Variants in TBC1D12 observed in about 807,000 individuals in gnomAD.
TBC1D12 encodes the protein TBC1 domain family member 12, also known as TBC1 domain family, member 12.
In TBC1D12, 56 loss-of-function variants were observed where a neutral mutation model predicts 86.7. The ratio of observed to expected loss-of-function variants is 0.65; its 90% CI spans 0.52 to 0.81. The LOEUF (loss-of-function observed/expected upper bound fraction) is 0.81. Ranked by LOEUF, TBC1D12 falls within the 30% of genes least tolerant of loss-of-function variation. The probability of loss-of-function intolerance (pLI) is 0.00; values close to 1 mark genes in which losing one functional copy is unlikely to be tolerated. For synonymous variants in TBC1D12, 421 were observed against 411.7 expected (o/e 1.02, Z -0.27); for missense variants, 1,023 against 1,038.8 (o/e 0.98, Z 0.21).
At chr10:94,531,815 TTA>T (rs1266499651) in intron 12 of TBC1D12, among the ~76,000 whole-genome samples, 2 of 149,338 alleles carry the variant, frequency 1.3e-5, no homozygotes, top group African/African-American at 2.4e-5. Flanking sequence ...TTATTTTATT[TTA>T]TGTTATTTTA....
intron 2 of TBC1D12, among the ~76,000 whole-genome samples, chr10:94,460,091 G>A (rs1589631734): frequency 6.6e-6 from 1 of 152,112 alleles, no homozygotes; most frequent in South Asian, 2.1e-4. Flanking sequence ...AATTAGCTGG[G>A]CATGGTGGCA....
intron 1 of TBC1D12, among the ~76,000 whole-genome samples, chr10:94,429,908 A>G (rs1459115006): frequency 5.9e-5 from 9 of 151,856 alleles, no homozygotes; most frequent in African/African-American, 2.2e-4. Flanking sequence ...TAATTTTTGC[A>G]TTTTGTTTGT....
At chr10:94,454,459 C>G (rs2134110072) in intron 2 of TBC1D12, among the ~76,000 whole-genome samples, 1 of 152,300 alleles carries the variant, frequency 6.6e-6, no homozygotes, top group Non-Finnish European at 1.5e-5. Context: ...TATCCACCCG[C>G]CTCGGCCTCC....
chr10:94,416,679 A>G (rs1398237795), intron 1 of TBC1D12, among the ~76,000 whole-genome samples: 3 of 152,194 alleles, frequency 2.0e-5, no homozygotes, highest in East Asian at 1.9e-4. Flanking sequence ...TATAATATCA[A>G]TGTTTACAAT....
chr10:94,480,747 C>A (rs1246775706), intron 3 of TBC1D12, among the ~76,000 whole-genome samples: 1 of 150,784 alleles, frequency 6.6e-6, no homozygotes, highest in Non-Finnish European at 1.5e-5. Context: ...TGTGGTGGCA[C>A]ACTACTGTAT....
chr10:94,407,063 AAC>A (rs1352708929), intron 1 of TBC1D12, among the ~76,000 whole-genome samples: 2 of 152,198 alleles, frequency 1.3e-5, no homozygotes, highest in African/African-American at 4.8e-5. Context: ...TTAAAAAAAA[AAC>A]AGTTTTATGT....
At chr10:94,414,164 T>C (rs2054965407) in intron 1 of TBC1D12, among the ~76,000 whole-genome samples, 1 of 152,180 alleles carries the variant, frequency 6.6e-6, no homozygotes, top group African/African-American at 2.4e-5. Flanking sequence ...TTCCACGTTA[T>C]TCTTGTTAAG....
rs1195893448 is a variant in TBC1D12, at chr10:94,447,750, T to TG, written c.1095+5732dup. On this transcript the variant is annotated intron_variant, in intron 2 of 12. Coordinates refer to ENST00000225235, the MANE Select transcript of TBC1D12 (RefSeq NM_015188.2). ...CGTAGTTCAGTTGACCTGAGTTTTT[T>TG]GTTTTTTTTTCTAAATTAGTAGGTA... 1.3e-5 allele frequency: 12 copies of TG among 941,608 alleles called. No individual in the cohort carries two copies. The African/African-American group carries it at 2.1e-4, about 17-fold the overall frequency. The allele number at this position is 941,608 out of a possible 1,614,324, so 58.3% of individuals were successfully genotyped here. A position where few individuals can be genotyped will look rare whatever the true frequency, so the allele number is the denominator to read the frequency against.
chr10:94,416,871 T>C (rs1275569770), intron 1 of TBC1D12, among the ~76,000 whole-genome samples: 1 of 152,084 alleles, frequency 6.6e-6, no homozygotes, highest in Non-Finnish European at 1.5e-5. Flanking sequence ...AAAAATAACA[T>C]ATATATAGAA....
rs116262114 is a variant in TBC1D12 at position 94,458,793 on chromosome 10, C to T, written c.1096-15875C>T. Among the ~76,000 whole-genome samples, 1,160 of 152,150 alleles carry T rather than the reference C, an allele frequency of 7.6e-3. 16 individuals carry two copies. The highest frequency in any genetic ancestry group is 0.027 in the African/African-American group (1,107 of 41,496). ...TTCGTTCCTTCCATCTGGAGTTGTT[C>T]GTACCTTCCATCTGGAGTTGTTCGT... On this transcript the variant is annotated intron_variant, in intron 2 of 12. Transcript: ENST00000225235.
rs779945322 is a variant in TBC1D12 at position 94,462,452 on chromosome 10, G to A, written c.1096-12216G>A. ...CACTTCTCATTGTGACAACTGAAAT[G>A]TCTTAGACATTGTCAGATGTCCTTA... On this transcript the variant is annotated intron_variant, in intron 2 of 12. Coordinates refer to ENST00000225235, the MANE Select transcript of TBC1D12 (RefSeq NM_015188.2). Among the ~76,000 whole-genome samples the A allele has an allele frequency of 3.3e-5, 5 of 152,130 alleles. 1 individual carries two copies. Among genetic ancestry groups the A allele is most frequent in the Non-Finnish European group, 7.3e-5 (5 of 68,030 alleles).
chr10:94,457,405 A>ATTTG (rs1339618925), intron 2 of TBC1D12, among the ~76,000 whole-genome samples: 1 of 151,710 alleles, frequency 6.6e-6, no homozygotes, highest in Non-Finnish European at 1.5e-5. Flanking sequence ...CTGTTTCTTC[A>ATTTG]TTTGTTTGTT....
At position 94,440,912 on chromosome 10, in the gene TBC1D12, C is replaced by A. The variant is rs191035418; in HGVS notation, c.972-984C>A. On this transcript the variant is annotated intron_variant, in intron 1 of 12. Coordinates refer to ENST00000225235, the MANE Select transcript of TBC1D12 (RefSeq NM_015188.2). ...CACAATGACGCGGAGTGCAATGAGG[C>A]GGTCTCGGCTCACTGCAACCTCCGC... 1.3e-4 allele frequency among the ~76,000 whole-genome samples: 20 copies of A among 152,278 alleles called. No homozygotes were observed. In the East Asian group the frequency reaches 3.5e-3, roughly 26 times the overall value.
chr10:94,500,462 C>T (rs912753223), intron 6 of TBC1D12, 135 bp downstream of exon 6: 2 of 544,128 alleles, frequency 3.7e-6, no homozygotes, highest in African/African-American at 3.9e-5. Context: ...ATGCTTCATC[C>T]CCCTGTTATG....
intron 1 of TBC1D12, among the ~76,000 whole-genome samples, chr10:94,441,084 G>A (rs2055373991): frequency 1.3e-5 from 2 of 151,636 alleles, no homozygotes; most frequent in African/African-American, 4.8e-5. Context: ...TGCTGACCTC[G>A]TGATCCGCCC....
intron 3 of TBC1D12, among the ~76,000 whole-genome samples, chr10:94,488,614 A>T (rs1374008614): frequency 6.7e-6 from 1 of 148,748 alleles, no homozygotes; most frequent in Admixed American, 6.7e-5. Context: ...CTGGTCTTGA[A>T]CTCCTGACCT....
At chr10:94,505,896 AT>A (rs1027544392) in intron 6 of TBC1D12, among the ~76,000 whole-genome samples, 7 of 152,120 alleles carry the variant, frequency 4.6e-5, no homozygotes, top group Non-Finnish European at 1.0e-4. Context: ...TGCCACTTTA[AT>A]TTTTTTAAAA....
chr10:94,463,671 T>A (rs1222725548), intron 2 of TBC1D12, among the ~76,000 whole-genome samples: 1 of 152,214 alleles, frequency 6.6e-6, no homozygotes, highest in African/African-American at 2.4e-5. Flanking sequence ...TTATGCAATT[T>A]TAGTTTTTTT....
chr10:94,407,278 G>A (rs544099517), intron 1 of TBC1D12, among the ~76,000 whole-genome samples: 2 of 152,328 alleles, frequency 1.3e-5, no homozygotes, highest in Middle Eastern at 3.4e-3. Flanking sequence ...AGTCCCTACT[G>A]GGGGCTTGCT....
Sources: gnomAD v4.1 joint callset for allele counts (sites outside exome capture counted in the v4.1 genomes callset) on GRCh38, gnomAD v4.1.1 for gene constraint, MANE v1.5 for transcripts, NCBI Gene and HGNC (gene_info 2026-07-23, HGNC 2026-07-21) for gene names.